POLR1B: variants seen among roughly 807,000 people sequenced by gnomAD.
POLR1B encodes the protein RNA polymerase I subunit B.
A neutral mutation model predicts 105.8 loss-of-function variants in POLR1B; 30 were observed. The ratio of observed to expected loss-of-function variants is 0.28; its 90% CI spans 0.21 to 0.38. The LOEUF (loss-of-function observed/expected upper bound fraction) is 0.38, where lower values mean the gene tolerates loss of function less well. Ranked by LOEUF, POLR1B falls within the 10% of genes least tolerant of loss-of-function variation. The pLI, the probability that POLR1B is intolerant of heterozygous loss-of-function variation, is 1.00. For missense variants in POLR1B, 976 were observed against 1,435.8 expected, an observed-to-expected ratio of 0.68 and a Z score of 5.17; for synonymous variants, 485 against 505.1, an observed-to-expected ratio of 0.96 and a Z score of 0.53.
At chr2:112,542,709 G>A (rs1205380079) in intron 1 of POLR1B, 38 bp downstream of exon 1, 10 of 1,605,926 alleles carry the variant, frequency 6.2e-6, no homozygotes, top group Admixed American at 3.4e-5. Flanking sequence ...GCCGCGGCGA[G>A]GCCAATCCCA....
intron 7 of POLR1B, among the ~76,000 whole-genome samples, chr2:112,556,137 T>C (rs1208821670): frequency 6.6e-6 from 1 of 152,226 alleles, no homozygotes; most frequent in East Asian, 1.9e-4. Context: ...TAAAAACATT[T>C]ATGACACAGG....
rs1474872068 is a variant in POLR1B at position 112,575,846 on chromosome 2, C to G, written c.*117C>G. The stretch of plus-strand genomic sequence containing the variant: ...GAGATTTTTCAACGGTGTTAGAACT[C>G]TCAACCAAGACCTGAAAACCAAGTA... On this transcript the variant is annotated 3_prime_UTR_variant, in exon 15 of 15. Coordinates refer to ENST00000263331, the MANE Select transcript of POLR1B (RefSeq NM_019014.6). This position sits in a 1 kb window ranked among gnomAD's most constrained non-coding sequence, Gnocchi z 5.3. 4 of 1,159,930 alleles carry G rather than the reference C, an allele frequency of 3.4e-6. No individual in the cohort carries two copies. Among genetic ancestry groups the G allele is most frequent in the African/African-American group, 1.5e-5 (1 of 64,540 alleles). The allele number at this position is 1,159,930 out of a possible 1,614,324, so 71.9% of individuals were successfully genotyped here.
At position 112,547,587 on chromosome 2, in the gene POLR1B, C is replaced by CATG; in HGVS notation, c.492+22_492+24dup. On this transcript the variant is annotated intron_variant, in intron 3 of 14. Transcript: ENST00000263331. ...GCAGAGGTAATGACGGGCGTCCAGG[C>CATG]ATGAGACAGTAGAGAAGGCCTGGGT... 6.2e-7 allele frequency: 1 copy of CATG among 1,611,880 alleles called. No homozygotes were observed. Among genetic ancestry groups the CATG allele is most frequent in the Non-Finnish European group, 8.5e-7 (1 of 1,178,962 alleles).
At chr2:112,572,465 C>T (rs1684643965) in intron 12 of POLR1B, 97 bp from the exon 13 acceptor site, 3 of 850,570 alleles carry the variant, frequency 3.5e-6, no homozygotes, top group Non-Finnish European at 5.3e-6. Flanking sequence ...TGTTCATTTT[C>T]CTCTGATGGA....
rs1574142610 is a variant in POLR1B at position 112,575,868 on chromosome 2, A to C, written c.*139A>C. On this transcript the variant is annotated 3_prime_UTR_variant, in exon 15 of 15. Coordinates refer to ENST00000263331, the MANE Select transcript of POLR1B (RefSeq NM_019014.6). This position sits in a 1 kb window ranked among gnomAD's most constrained non-coding sequence, Gnocchi z 5.3. ...ACTCTCAACCAAGACCTGAAAACCAAGTATGCAAGGTTTCTGAATCTCTCT... is the reference window on the plus strand; with the variant it reads ...ACTCTCAACCAAGACCTGAAAACCACGTATGCAAGGTTTCTGAATCTCTCT... 6 of 833,918 alleles carry C rather than the reference A, an allele frequency of 7.2e-6. No homozygotes were observed. The East Asian group carries it at 1.5e-4, about 21-fold the overall frequency. The allele number at this position is 833,918 out of a possible 1,614,324, so 51.7% of individuals were successfully genotyped here. A position where few individuals can be genotyped will look rare whatever the true frequency, so the allele number is the denominator to read the frequency against.
chr2:112,579,444 G>C lies in POLR1B; in HGVS notation c.*3715G>C, dbSNP rs138489034. 1 of 152,138 alleles carries C rather than the reference G, an allele frequency of 6.6e-6. No individual in the cohort carries two copies. Among genetic ancestry groups the C allele is most frequent in the Non-Finnish European group, 1.5e-5 (1 of 68,010 alleles). The allele number at this position is 152,138 out of a possible 1,614,324, so 9.4% of individuals were successfully genotyped here. A position where few individuals can be genotyped will look rare whatever the true frequency, so the allele number is the denominator to read the frequency against. On this transcript the variant is annotated 3_prime_UTR_variant, in exon 15 of 15. Transcript: ENST00000263331. Reference sequence around the variant, plus strand: ...CAATGTATAAGTGATTCATTTCTTGGCATTCTGACCAACCAGCATTTGGTG... The same window carrying C: ...CAATGTATAAGTGATTCATTTCTTGCCATTCTGACCAACCAGCATTTGGTG...
In POLR1B at chr2:112,577,855, G is replaced by A. The variant is rs1399041695; in HGVS notation, c.*2126G>A. On this transcript the variant is annotated 3_prime_UTR_variant, in exon 15 of 15. Transcript: ENST00000263331. ...TCAAAAAAAAAAAAAAAAAAAAAGC[G>A]GGGAGGCATAAGAAAAAACCAATTT... is the stretch of plus-strand genomic sequence containing the variant. 5.3e-5 allele frequency among the ~76,000 whole-genome samples: 8 copies of A among 150,036 alleles called. No individual in the cohort carries two copies. Among genetic ancestry groups the A allele is most frequent in the East Asian group, 1.9e-4 (1 of 5,148 alleles).
intron 12 of POLR1B, among the ~76,000 whole-genome samples, chr2:112,569,371 A>G (rs779106400): frequency 6.6e-6 from 1 of 152,070 alleles, no homozygotes; most frequent in Non-Finnish European, 1.5e-5. Flanking sequence ...GCTGGCCACA[A>G]ATTCTCTTTG....
chr2:112,561,782 C>T (rs1020474416), intron 9 of POLR1B, among the ~76,000 whole-genome samples: 1 of 152,158 alleles, frequency 6.6e-6, no homozygotes, highest in Non-Finnish European at 1.5e-5. Context: ...TTTATGAACA[C>T]TAGGCAGCAC....
intron 9 of POLR1B, among the ~76,000 whole-genome samples, chr2:112,563,833 G>T (rs1684137950): frequency 6.6e-6 from 1 of 152,070 alleles, no homozygotes; most frequent in Non-Finnish European, 1.5e-5. Flanking sequence ...GGAGGTTGAG[G>T]TTGCAGTGAG....
chr2:112,549,941 A>T (rs542070441), intron 4 of POLR1B, among the ~76,000 whole-genome samples: 1 of 150,790 alleles, frequency 6.6e-6, no homozygotes, highest in South Asian at 2.1e-4. Flanking sequence ...GTATATGTAT[A>T]TTCAAGGTAT....
exon 1 of POLR1B, chr2:112,542,457 TGTACCGAGAGACTGGCGTC>T (rs770540543): frequency 1.2e-6 from 2 of 1,608,620 alleles, no homozygotes; most frequent in South Asian, 2.2e-5. Flanking sequence ...GCGTCCGGCG[TGTACCGAGAGACTGGCGTC>T]CGGTGTGCAG....
intron 8 of POLR1B, 95 bp from the exon 9 acceptor site, chr2:112,559,198 T>C: frequency 7.4e-7 from 1 of 1,355,376 alleles, no homozygotes. Context: ...TTCTATGATC[T>C]GTAGAGTGCT....
chr2:112,559,787 C>T lies in POLR1B; in HGVS notation c.1612+213C>T, dbSNP rs186771773. ...CTGGAACTACAGGCGCCCGCCACCA[C>T]ACCCGGCTAATTTTTTGTATTTTTA... On this transcript the variant is annotated intron_variant, in intron 9 of 14. Transcript: ENST00000263331. Among the ~76,000 whole-genome samples, 15 of 152,184 alleles carry T rather than the reference C, an allele frequency of 9.9e-5. 1 individual carries two copies. The East Asian group carries it at 2.7e-3, about 27-fold the overall frequency.
chr2:112,573,708 G>A lies in POLR1B; in HGVS notation c.2418G>A (p.Lys806=), dbSNP rs772689988. The change falls in exon 14 of 15, where the codon AAG becomes AAA. Residue 806 remains lysine, a synonymous_variant. Transcript: ENST00000263331. ...CTGGTGACCCACGCGTTCTGCAGAA[G>A]TTAGATGACGATGGATTGCCGTTTA... ...IKPGDPRVLQ[K]LDDDGLPFIG... The A allele has an allele frequency of 1.1e-5, 18 of 1,614,120 alleles. No homozygotes were observed. The Admixed American group carries it at 2.8e-4, about 25-fold the overall frequency.
chr2:112,555,112 C>G (rs887758487), intron 7 of POLR1B, among the ~76,000 whole-genome samples: 1 of 152,090 alleles, frequency 6.6e-6, no homozygotes, highest in Non-Finnish European at 1.5e-5. Context: ...GCCTGGGAGA[C>G]GGAGGTTACA....
intron 1 of POLR1B, among the ~76,000 whole-genome samples, chr2:112,546,404 C>T (rs1208612326): frequency 1.3e-5 from 2 of 152,184 alleles, no homozygotes; most frequent in East Asian, 1.9e-4. Context: ...GTTCAGAGAA[C>T]AGGAATTTTG....
chr2:112,542,308 GACGTTTTTGGTT>G, upstream of POLR1B: 5 of 1,528,826 alleles, frequency 3.3e-6, no homozygotes, highest in Non-Finnish European at 4.4e-6. Context: ...CCGTTCACTC[GACGTTTTTGGTT>G]CTACGTTGAC....
At chr2:112,557,183 G>A (rs1683706925) in intron 7 of POLR1B, among the ~76,000 whole-genome samples, 1 of 152,178 alleles carries the variant, frequency 6.6e-6, no homozygotes, top group South Asian at 2.1e-4. Flanking sequence ...CTACTTAGGA[G>A]GTTAAGGCAG....
Sources: gnomAD v4.1 joint callset for allele counts (sites outside exome capture counted in the v4.1 genomes callset) on GRCh38, gnomAD v4.1.1 for gene constraint, Gnocchi (gnomAD v3.1) non-coding constraint, MANE v1.5 for transcripts, NCBI Gene and HGNC (gene_info 2026-07-23, HGNC 2026-07-21) for gene names.